Variants in SEPTIN8 observed in about 807,000 individuals in gnomAD.
The protein encoded by SEPTIN8 is septin 8.
Under a neutral mutation model 53.1 loss-of-function variants are expected in SEPTIN8, and 22 were observed. The ratio of observed to expected loss-of-function variants is 0.41; its 90% CI spans 0.30 to 0.59. The LOEUF (loss-of-function observed/expected upper bound fraction) is 0.59, where lower values mean the gene tolerates loss of function less well. SEPTIN8 is among the 20% of genes least tolerant of loss of function. The pLI, the probability that SEPTIN8 is intolerant of heterozygous loss-of-function variation, is 0.24. For synonymous variants in SEPTIN8, 228 were observed against 248.4 expected (o/e 0.92, Z 0.77); for missense variants, 536 against 638.7 (o/e 0.84, Z 1.73).
rs761852006 is a variant in SEPTIN8, at chr5:132,760,858, C to T, written c.1230G>A (p.Ser410=). The change falls in exon 9 of 10, where the codon TCG becomes TCA. Residue 410 remains serine, a synonymous_variant. Coordinates refer to ENST00000378719, the MANE Select transcript of SEPTIN8 (RefSeq NM_001098811.2). The surrounding 1 kb of genome is among the most constrained non-coding windows in gnomAD (Gnocchi z 5.2). ...RRKAAVEALQ[S]QALHATSQQP... is the part of the protein sequence containing the mutation. Reference sequence around the variant, plus strand: ...GCTGCGAGGTGGCGTGCAAGGCCTGCGACTGCAGGGCCTCCACCGCAGCCT... The same window carrying T: ...GCTGCGAGGTGGCGTGCAAGGCCTGTGACTGCAGGGCCTCCACCGCAGCCT... The T allele has an allele frequency of 5.0e-6, 8 of 1,613,776 alleles. No individual in the cohort carries two copies. Among genetic ancestry groups the T allele is most frequent in the South Asian group, 3.3e-5 (3 of 91,072 alleles).
intron 9 of SEPTIN8, among the ~76,000 whole-genome samples, 180 bp from the exon 10 acceptor site, chr5:132,752,361 G>A (rs73263384): frequency 0.028 from 4,314 of 152,192 alleles, 194 homozygotes; most frequent in African/African-American, 0.098. Flanking sequence ...ACTTGGTCAC[G>A]CTCTATGCAC....
chr5:132,750,976 G>A lies in SEPTIN8; in HGVS notation c.*1040C>T, dbSNP rs755646712. ...TGCACTGGGACCTCTATATTGGGAC[G>A]CCGCTGGACTTCTTGACTATAGTGA... On this transcript the variant is annotated 3_prime_UTR_variant, in exon 10 of 10. Transcript: ENST00000378719. 31 of 1,613,894 alleles carry A rather than the reference G, an allele frequency of 1.9e-5. No homozygotes were observed. Among genetic ancestry groups the A allele is most frequent in the East Asian group, 8.9e-5 (4 of 44,902 alleles).
chr5:132,758,125 T>C (rs892584270), intron 9 of SEPTIN8: 7 of 1,023,074 alleles, frequency 6.8e-6, no homozygotes, highest in South Asian at 4.1e-5. Context: ...ATTCCATCCA[T>C]AAAGAAATGC....
chr5:132,759,892 G>A (rs1253286540), intron 9 of SEPTIN8, among the ~76,000 whole-genome samples: 1 of 152,178 alleles, frequency 6.6e-6, no homozygotes, highest in African/African-American at 2.4e-5. Flanking sequence ...TGTGGAAACA[G>A]GCTATGAAGA....
At chr5:132,764,071 G>A (rs1295524289) in intron 3 of SEPTIN8, 153 bp downstream of exon 3, 1 of 939,698 alleles carries the variant, frequency 1.1e-6, no homozygotes, top group Non-Finnish European at 1.6e-6. Flanking sequence ...ACACCTAAAG[G>A]AGTAACTGGT....
chr5:132,770,024 C>T (rs256872), intron 1 of SEPTIN8, among the ~76,000 whole-genome samples: 8,042 of 28,968 alleles, frequency 0.28, 598 homozygotes, highest in Middle Eastern at 0.38. Context: ...TATATATATA[C>T]ACACACATAT....
intron 9 of SEPTIN8, among the ~76,000 whole-genome samples, chr5:132,759,696 C>T (rs925255202): frequency 2.0e-5 from 3 of 152,250 alleles, no homozygotes; most frequent in Non-Finnish European, 2.9e-5. Flanking sequence ...CCGAGAATGA[C>T]GGCCAGGTTG....
intron 9 of SEPTIN8, chr5:132,755,852 T>C (rs1755280417): frequency 1.8e-6 from 1 of 570,290 alleles, no homozygotes; most frequent in Non-Finnish European, 2.2e-6. Flanking sequence ...TGTAGCAGGG[T>C]TTCCTATTAA....
chr5:132,757,527 C>T (rs1755454360), intron 9 of SEPTIN8: 5 of 985,522 alleles, frequency 5.1e-6, no homozygotes, highest in Middle Eastern at 1.0e-3. Flanking sequence ...AATAAATTAG[C>T]ACGTCTTCCT....
At chr5:132,763,945 G>A (rs1756285112) in intron 3 of SEPTIN8, 53 bp from the exon 4 acceptor site, 1 of 1,498,234 alleles carries the variant, frequency 6.7e-7, no homozygotes, top group South Asian at 1.3e-5. Context: ...AGGGGCTTGG[G>A]GCTTGGGGGG....
intron 3 of SEPTIN8, 72 bp from the exon 4 acceptor site, chr5:132,763,964 T>C: frequency 7.0e-7 from 1 of 1,431,636 alleles, no homozygotes. Context: ...GGCTCAGGGC[T>C]CGGGGCCAAG....
chr5:132,751,033 C>T lies in SEPTIN8; in HGVS notation c.*983G>A, dbSNP rs1227906841. On this transcript the variant is annotated 3_prime_UTR_variant, in exon 10 of 10. Coordinates refer to ENST00000378719, the MANE Select transcript of SEPTIN8 (RefSeq NM_001098811.2). Reference sequence around the variant, plus strand: ...AGGTGTTTACAGAGTCTACCCTAAACTCGTTTGTGCCTTTGGAACAGCTGT... The same window carrying T: ...AGGTGTTTACAGAGTCTACCCTAAATTCGTTTGTGCCTTTGGAACAGCTGT... The T allele has an allele frequency of 1.2e-6, 2 of 1,604,892 alleles. No individual in the cohort carries two copies. The highest frequency in any genetic ancestry group is 3.4e-5 in the Admixed American group (2 of 57,984).
upstream of SEPTIN8, chr5:132,777,790 C>T (rs1757933997): frequency 2.0e-6 from 2 of 985,376 alleles, no homozygotes; most frequent in Admixed American, 6.1e-5. This position sits in a 1 kb window ranked among gnomAD's most constrained non-coding sequence, Gnocchi z 4.1. Flanking sequence ...GGCGGGAACC[C>T]CGGCGGGACC....
intron 9 of SEPTIN8, chr5:132,759,080 CAAAT>C (rs1484469794): frequency 6.2e-6 from 4 of 641,070 alleles, no homozygotes; most frequent in Non-Finnish European, 8.9e-6. Context: ...CAAAACCACT[CAAAT>C]AAATGGTCAT....
In SEPTIN8 at chr5:132,761,691, T is replaced by G. The variant is rs1223348052; in HGVS notation, c.794-65A>C. Reference sequence around the variant, plus strand: ...AGGCGGGCACACTCCAGAGTCAGGGTAGGCACGCAGGTGGGCATGAGGAGG... The same window carrying G: ...AGGCGGGCACACTCCAGAGTCAGGGGAGGCACGCAGGTGGGCATGAGGAGG... On this transcript the variant is annotated intron_variant, in intron 6 of 9. Coordinates refer to ENST00000378719, the MANE Select transcript of SEPTIN8 (RefSeq NM_001098811.2). The surrounding 1 kb of genome is among the most constrained non-coding windows in gnomAD (Gnocchi z 5.8). 2 of 1,597,000 alleles carry G rather than the reference T, an allele frequency of 1.3e-6. No homozygotes were observed. The highest frequency in any genetic ancestry group is 1.7e-5 in the Admixed American group (1 of 59,324).
At chr5:132,771,046 A>C (rs1347595176) in intron 1 of SEPTIN8, among the ~76,000 whole-genome samples, 3 of 152,200 alleles carry the variant, frequency 2.0e-5, no homozygotes, top group Non-Finnish European at 4.4e-5. Context: ...CGTCCAAGAC[A>C]AAGTAGAGAA....
intron 9 of SEPTIN8, chr5:132,756,528 G>T (rs1405375630): frequency 2.0e-6 from 2 of 985,296 alleles, no homozygotes; most frequent in Admixed American, 6.1e-5. Context: ...TGCAGACAGG[G>T]TCACATTCTA....
At chr5:132,770,368 C>T (rs1487818127) in intron 1 of SEPTIN8, among the ~76,000 whole-genome samples, 2 of 151,332 alleles carry the variant, frequency 1.3e-5, no homozygotes, top group Non-Finnish European at 2.9e-5. Context: ...TTAGTAGAGA[C>T]GGGGTTTCAC....
At chr5:132,769,022 C>T (rs1248050825) in intron 1 of SEPTIN8, among the ~76,000 whole-genome samples, 2 of 152,150 alleles carry the variant, frequency 1.3e-5, no homozygotes, top group Non-Finnish European at 2.9e-5. Flanking sequence ...AAAGGAGGGA[C>T]AGTGTGGAAG....
Sources: allele counts gnomAD v4.1 joint callset (sites outside exome capture counted in the v4.1 genomes callset), GRCh38; gene constraint gnomAD v4.1.1; non-coding constraint Gnocchi (gnomAD v3.1); transcripts MANE v1.5; gene names NCBI Gene and HGNC (gene_info 2026-07-23, HGNC 2026-07-21).